The following MIR2052HG variants were observed in gnomAD, a reference collection of about 807,000 sequenced individuals.
MIR2052HG encodes the protein MIR2052 host gene.
chr8:74,636,268 G>A (rs1808580108), intron 2 of MIR2052HG, among the ~76,000 whole-genome samples: 1 of 152,090 alleles, frequency 6.6e-6, no homozygotes, highest in South Asian at 2.1e-4. Flanking sequence ...AAGTCCTGCT[G>A]GGATGATAGC....
In MIR2052HG at chr8:74,744,276, CATTT is replaced by C. The variant is rs781140654; in HGVS notation, n.372-8160_372-8157del. Among the ~76,000 whole-genome samples, 413 of 148,768 alleles carry C rather than the reference CATTT, an allele frequency of 2.8e-3. 1 individual carries two copies. Among genetic ancestry groups the C allele is most frequent in the Middle Eastern group, 3.5e-3 (1 of 284 alleles). On this transcript the variant is annotated intron_variant and non_coding_transcript_variant, in intron 4 of 6. Transcript: ENST00000523442. ...TATTTTTATTTTTTTATTTTTTAAA[CATTT>C]ATTTTTTCAATTTTTAGAGATGGGG...
At chr8:74,685,623 A>G (rs1205640298) in intron 2 of MIR2052HG, among the ~76,000 whole-genome samples, 1 of 152,114 alleles carries the variant, frequency 6.6e-6, no homozygotes, top group Non-Finnish European at 1.5e-5. Context: ...TGTGAAAAAC[A>G]TATACCATAA....
chr8:74,753,312 T>A (rs73341212), intron 5 of MIR2052HG, among the ~76,000 whole-genome samples: 15,769 of 152,180 alleles, frequency 0.1, 1,847 homozygotes, highest in African/African-American at 0.29. Flanking sequence ...TATATAGTCT[T>A]TGTTGCTAAT....
chr8:74,672,806 G>A (rs1208168809), intron 2 of MIR2052HG, among the ~76,000 whole-genome samples: 1 of 152,030 alleles, frequency 6.6e-6, no homozygotes, highest in Non-Finnish European at 1.5e-5. Context: ...GATATTATCT[G>A]CTGAATATCT....
chr8:74,713,096 T>A (rs1338794171), intron 4 of MIR2052HG, among the ~76,000 whole-genome samples: 1 of 152,144 alleles, frequency 6.6e-6, no homozygotes, highest in East Asian at 1.9e-4. Context: ...TGTTAGTCAA[T>A]GTTAATACTA....
At chr8:74,675,414 G>A (rs547053014) in intron 2 of MIR2052HG, among the ~76,000 whole-genome samples, 1 of 152,090 alleles carries the variant, frequency 6.6e-6, no homozygotes, top group South Asian at 2.1e-4. Context: ...GTAATCTAGA[G>A]CTAATTTAAA....
chr8:74,737,373 C>G (rs372395712), intron 4 of MIR2052HG, among the ~76,000 whole-genome samples: 2 of 152,166 alleles, frequency 1.3e-5, no homozygotes, highest in South Asian at 4.1e-4. Flanking sequence ...TGAGCTGCTG[C>G]TTGGGCCTGT....
intron 1 of MIR2052HG, among the ~76,000 whole-genome samples, chr8:74,612,001 G>A (rs556954207): frequency 6.6e-6 from 1 of 152,194 alleles, no homozygotes; most frequent in African/African-American, 2.4e-5. Flanking sequence ...CTCATCCCCC[G>A]AAGCTCAGGA....
At chr8:74,704,997 A>G (rs1486161779) in intron 4 of MIR2052HG, among the ~76,000 whole-genome samples, 1 of 151,966 alleles carries the variant, frequency 6.6e-6, no homozygotes, top group Non-Finnish European at 1.5e-5. Flanking sequence ...TGAAAGTTGC[A>G]CTGGTCATGA....
intron 2 of MIR2052HG, among the ~76,000 whole-genome samples, chr8:74,693,871 C>T (rs552106422): frequency 4.3e-4 from 65 of 152,218 alleles, no homozygotes; most frequent in Non-Finnish European, 7.6e-4. Context: ...AGGGTCTTTC[C>T]CTATCTACCT....
At chr8:74,656,854 C>A (rs1052507624) in intron 2 of MIR2052HG, among the ~76,000 whole-genome samples, 1 of 152,088 alleles carries the variant, frequency 6.6e-6, no homozygotes, top group African/African-American at 2.4e-5. Context: ...TTTTCAGGGA[C>A]AAAAGAAGGA....
intron 2 of MIR2052HG, among the ~76,000 whole-genome samples, chr8:74,667,855 C>T (rs1482666844): frequency 3.3e-5 from 5 of 152,054 alleles, no homozygotes; most frequent in Non-Finnish European, 7.4e-5. Context: ...ACCTCCAAAA[C>T]GGGAGTGACT....
intron 4 of MIR2052HG, among the ~76,000 whole-genome samples, chr8:74,749,209 C>T (rs1809918478): frequency 6.6e-6 from 1 of 152,144 alleles, no homozygotes; most frequent in African/African-American, 2.4e-5. Context: ...TGTCAGCATC[C>T]TATCAGCAAA....
chr8:74,625,066 C>T (rs1000246089), intron 2 of MIR2052HG, among the ~76,000 whole-genome samples: 106 of 147,384 alleles, frequency 7.2e-4, no homozygotes, highest in African/African-American at 2.5e-3. Context: ...ACCTGAATAC[C>T]TTTTTTTTTT....
intron 2 of MIR2052HG, among the ~76,000 whole-genome samples, chr8:74,668,145 G>T (rs1264353729): frequency 6.6e-6 from 1 of 151,804 alleles, no homozygotes; most frequent in Non-Finnish European, 1.5e-5. Flanking sequence ...CTTTGCTGAT[G>T]TAGAATTGAG....
intron 4 of MIR2052HG, among the ~76,000 whole-genome samples, chr8:74,744,734 A>G (rs1253121499): frequency 6.6e-6 from 1 of 152,210 alleles, no homozygotes; most frequent in East Asian, 1.9e-4. Context: ...ATTGTTGGAC[A>G]TTTGGGTTGG....
At chr8:74,663,885 A>T (rs796080540) in intron 2 of MIR2052HG, among the ~76,000 whole-genome samples, 5 of 152,180 alleles carry the variant, frequency 3.3e-5, no homozygotes, top group Non-Finnish European at 5.9e-5. Context: ...AACCTCAGGG[A>T]TCTCTTTAAC....
At chr8:74,730,721 G>A (rs1207831087) in intron 4 of MIR2052HG, among the ~76,000 whole-genome samples, 1 of 152,056 alleles carries the variant, frequency 6.6e-6, no homozygotes, top group Non-Finnish European at 1.5e-5. Context: ...TCACTTTTAG[G>A]ATTCTGCCTG....
intron 2 of MIR2052HG, among the ~76,000 whole-genome samples, chr8:74,685,305 A>G (rs995911048): frequency 5.9e-5 from 9 of 152,200 alleles, no homozygotes; most frequent in Middle Eastern, 3.4e-3. Context: ...TCTTGATTCA[A>G]TGATTCCAAA....
Sources: gnomAD v4.1 joint callset for allele counts (sites outside exome capture counted in the v4.1 genomes callset) on GRCh38, gnomAD v4.1.1 for gene constraint, MANE v1.5 for transcripts, NCBI Gene and HGNC (gene_info 2026-07-23, HGNC 2026-07-21) for gene names.